ZNF804B: variants seen among roughly 807,000 people sequenced by gnomAD.
ZNF804B encodes the protein zinc finger protein 804B, also known as zinc finger 804B.
In ZNF804B, 80 loss-of-function variants were observed where a neutral mutation model predicts 101.4. The observed-to-expected ratio is 0.79, with a 90% confidence interval of 0.66 to 0.95. The LOEUF is 0.95. Ranked by LOEUF, ZNF804B falls within the 40% of genes least tolerant of loss-of-function variation. The pLI, the probability that ZNF804B is intolerant of heterozygous loss-of-function variation, is 0.00. For synonymous variants in ZNF804B, 622 were observed against 558.8 expected, an observed-to-expected ratio of 1.11 and a Z score of -1.59; for missense variants, 1,673 against 1,561.9, an observed-to-expected ratio of 1.07 and a Z score of -1.20.
At chr7:89,220,003 G>GTGTGTATACGTATATATGCA (rs1554380200) in intron 2 of ZNF804B, among the ~76,000 whole-genome samples, 1 of 22,990 alleles carries the variant, frequency 4.3e-5, no homozygotes, top group Non-Finnish European at 7.6e-5. Flanking sequence ...ATATGTATAT[G>GTGTGTATACGTATATATGCA]CACATATATG....
chr7:89,109,010 C>A (rs528545380), intron 1 of ZNF804B, among the ~76,000 whole-genome samples: 1 of 152,104 alleles, frequency 6.6e-6, no homozygotes, highest in Admixed American at 6.6e-5. Context: ...GAAAAAAGTC[C>A]AACTAATAGT....
intron 2 of ZNF804B, among the ~76,000 whole-genome samples, chr7:89,258,048 C>A (rs1397665633): frequency 2.0e-5 from 3 of 151,662 alleles, no homozygotes; most frequent in African/African-American, 7.3e-5. Flanking sequence ...GTGGATTCAA[C>A]AAACTGAAGA....
At chr7:89,304,071 T>G (rs759567320) in intron 2 of ZNF804B, among the ~76,000 whole-genome samples, 1 of 151,954 alleles carries the variant, frequency 6.6e-6, no homozygotes, top group East Asian at 1.9e-4. Context: ...ATGAAAACTT[T>G]TAATTATAAA....
chr7:89,038,797 C>G (rs894982728), intron 1 of ZNF804B, among the ~76,000 whole-genome samples: 5 of 151,980 alleles, frequency 3.3e-5, no homozygotes, highest in African/African-American at 1.2e-4. Flanking sequence ...TTAAGTCTTC[C>G]TGTTAAGTTT....
intron 1 of ZNF804B, among the ~76,000 whole-genome samples, chr7:88,771,883 C>G (rs1303815902): frequency 2.0e-5 from 3 of 152,030 alleles, no homozygotes; most frequent in Non-Finnish European, 4.4e-5. Flanking sequence ...AATGGCAAGA[C>G]AGCAATAAAT....
intron 1 of ZNF804B, among the ~76,000 whole-genome samples, chr7:88,775,007 A>G (rs994663848): frequency 5.9e-5 from 9 of 152,216 alleles, no homozygotes; most frequent in African/African-American, 1.9e-4. Flanking sequence ...CATACTGGGT[A>G]CTGTTACAGG....
chr7:89,191,791 G>A (rs1164869119), intron 1 of ZNF804B, among the ~76,000 whole-genome samples: 4 of 152,090 alleles, frequency 2.6e-5, no homozygotes, highest in Non-Finnish European at 4.4e-5. Flanking sequence ...TTAATTGCCT[G>A]AGGACATTAT....
At chr7:89,321,471 C>T (rs1346303546) in intron 2 of ZNF804B, among the ~76,000 whole-genome samples, 1 of 151,614 alleles carries the variant, frequency 6.6e-6, no homozygotes, top group African/African-American at 2.4e-5. Flanking sequence ...AGAGCGAGAC[C>T]CCATCTCAAA....
chr7:88,987,528 C>T (rs1793775375), intron 1 of ZNF804B, among the ~76,000 whole-genome samples: 1 of 151,880 alleles, frequency 6.6e-6, no homozygotes, highest in African/African-American at 2.4e-5. Context: ...ACTTTAATTT[C>T]TTTTGTAATT....
At chr7:88,985,004 C>G (rs1027719673) in intron 1 of ZNF804B, among the ~76,000 whole-genome samples, 6 of 151,948 alleles carry the variant, frequency 3.9e-5, no homozygotes, top group Non-Finnish European at 7.4e-5. Flanking sequence ...ATAAATAACT[C>G]AGAGAAACTC....
chr7:89,101,910 C>G (rs1351496791), intron 1 of ZNF804B, among the ~76,000 whole-genome samples: 1 of 151,742 alleles, frequency 6.6e-6, no homozygotes, highest in Non-Finnish European at 1.5e-5. Context: ...CCATCTTTAT[C>G]TACATGTGTG....
chr7:89,003,043 T>C (rs199976815), intron 1 of ZNF804B, among the ~76,000 whole-genome samples: 1 of 143,522 alleles, frequency 7.0e-6, no homozygotes, highest in African/African-American at 2.6e-5. Flanking sequence ...TTTTTTTTTT[T>C]CAAAATCCTT....
chr7:88,877,581 A>G (rs886427821), intron 1 of ZNF804B, among the ~76,000 whole-genome samples: 12 of 152,210 alleles, frequency 7.9e-5, no homozygotes, highest in African/African-American at 2.4e-4. Flanking sequence ...TGTCTCTTCT[A>G]TTAATTAAGG....
At chr7:89,080,430 A>G (rs1332902252) in intron 1 of ZNF804B, among the ~76,000 whole-genome samples, 5 of 152,012 alleles carry the variant, frequency 3.3e-5, no homozygotes, top group Non-Finnish European at 7.4e-5. Context: ...AAGACTGAAC[A>G]TGCCATTTTA....
chr7:89,044,300 G>C (rs534860092), intron 1 of ZNF804B, among the ~76,000 whole-genome samples: 26 of 152,278 alleles, frequency 1.7e-4, no homozygotes, highest in African/African-American at 6.3e-4. Context: ...GGCCTTCCCA[G>C]CCCTGTGGAA....
chr7:89,204,203 T>C (rs779767117), intron 1 of ZNF804B, among the ~76,000 whole-genome samples: 40 of 152,240 alleles, frequency 2.6e-4, no homozygotes, highest in Non-Finnish European at 3.4e-4. Context: ...TGCTATTAAT[T>C]GCATTTTTAC....
chr7:88,784,521 C>T (rs79402235), intron 1 of ZNF804B, among the ~76,000 whole-genome samples: 4,652 of 152,230 alleles, frequency 0.031, 227 homozygotes, highest in African/African-American at 0.095. Context: ...CAGAACCAAC[C>T]TCACTGGAAA....
chr7:89,277,310 GTTTTTTTCTTT>G (rs1185343704), intron 2 of ZNF804B, among the ~76,000 whole-genome samples: 9 of 148,720 alleles, frequency 6.1e-5, no homozygotes, highest in Middle Eastern at 3.5e-3. Context: ...ATCTAAAGGA[GTTTTTTTCTTT>G]TTTTTTTCTT....
At chr7:88,775,981 A>G (rs1008202960) in intron 1 of ZNF804B, among the ~76,000 whole-genome samples, 2 of 152,160 alleles carry the variant, frequency 1.3e-5, no homozygotes, top group Admixed American at 1.3e-4. Context: ...AAGTACAGAG[A>G]GGTGCTTACA....
Sources: allele counts gnomAD v4.1 joint callset (sites outside exome capture counted in the v4.1 genomes callset), GRCh38; gene constraint gnomAD v4.1.1; transcripts MANE v1.5; gene names NCBI Gene and HGNC (gene_info 2026-07-23, HGNC 2026-07-21).